Variants in HTT observed in about 807,000 individuals in gnomAD.
The protein encoded by HTT is huntingtin, also known as huntington disease protein.
In HTT, 104 loss-of-function variants were observed where a neutral mutation model predicts 362.3. That is an observed-to-expected ratio of 0.29 (90% CI 0.24 to 0.34). HTT has a LOEUF of 0.34. HTT is among the 10% of genes least tolerant of loss of function. The probability of loss-of-function intolerance (pLI) is 1.00; values close to 1 mark genes in which losing one functional copy is unlikely to be tolerated. For missense variants in HTT, 3,301 were observed against 3,928.6 expected (o/e 0.84, Z 4.27); for synonymous variants, 1,577 against 1,548.7 (o/e 1.02, Z -0.43).
intron 24 of HTT, 121 bp from the exon 25 acceptor site, chr4:3,146,676 A>G (rs1053991602): frequency 3.2e-5 from 26 of 822,162 alleles, no homozygotes; most frequent in South Asian, 5.1e-5. Flanking sequence ...AAATAAAACA[A>G]TTTCTGAGCT....
At chr4:3,131,970 A>G (rs1230074024) in intron 16 of HTT, among the ~76,000 whole-genome samples, 195 bp downstream of exon 16, 1 of 152,252 alleles carries the variant, frequency 6.6e-6, no homozygotes, top group East Asian at 1.9e-4. Flanking sequence ...GATGAAACCC[A>G]TAGAGGAGAA....
intron 2 of HTT, among the ~76,000 whole-genome samples, chr4:3,089,203 A>C (rs1713371728): frequency 6.6e-6 from 1 of 152,130 alleles, no homozygotes; most frequent in African/African-American, 2.4e-5. Context: ...TAGCCACCTG[A>C]GCGGGAAGCG....
chr4:3,226,603 G>C (rs545820534), intron 57 of HTT, among the ~76,000 whole-genome samples: 10 of 152,280 alleles, frequency 6.6e-5, no homozygotes, highest in Non-Finnish European at 1.2e-4. Flanking sequence ...CCCCGGTGCT[G>C]TGTCTTTCGC....
intron 56 of HTT, among the ~76,000 whole-genome samples, chr4:3,224,785 G>C (rs1438818843): frequency 6.6e-6 from 1 of 152,240 alleles, no homozygotes; most frequent in Non-Finnish European, 1.5e-5. Context: ...CTATGTGGAC[G>C]TGCAATGTGT....
intron 52 of HTT, 137 bp from the exon 53 acceptor site, chr4:3,220,045 G>A (rs1448016745): frequency 2.2e-6 from 2 of 895,574 alleles, no homozygotes; most frequent in Non-Finnish European, 3.5e-6. Context: ...TTTTCTGGGG[G>A]AGAAGGTGCC....
chr4:3,229,452 G>T (rs533136347), intron 59 of HTT, among the ~76,000 whole-genome samples: 46 of 141,854 alleles, frequency 3.2e-4, no homozygotes, highest in Admixed American at 2.7e-3. Context: ...CCACACACAT[G>T]CCACATGTGC....
chr4:3,151,342 AAG>A (rs1190821580), intron 26 of HTT, among the ~76,000 whole-genome samples: 1 of 151,986 alleles, frequency 6.6e-6, no homozygotes, highest in Non-Finnish European at 1.5e-5. Context: ...CCACAGGAAA[AAG>A]AGAGAAGGAG....
In HTT at chr4:3,199,722, T is replaced by C; in HGVS notation, c.5369-10T>C. 6.2e-7 allele frequency: 1 copy of C among 1,612,584 alleles called. No individual in the cohort carries two copies. Among genetic ancestry groups the C allele is most frequent in the South Asian group, 1.1e-5 (1 of 91,072 alleles). ...AAAGCAAAGACATTTCTCCTTAACT[T>C]TGTTTCTAGGAATGTTCCGGAGAAT... is the stretch of plus-strand genomic sequence containing the variant. On this transcript the variant is annotated splice_polypyrimidine_tract_variant and intron_variant, in intron 40 of 66. Transcript: ENST00000355072.
At chr4:3,181,718 A>G (rs1047546900) in intron 36 of HTT, among the ~76,000 whole-genome samples, 39 of 152,278 alleles carry the variant, frequency 2.6e-4, no homozygotes, top group African/African-American at 9.1e-4. Flanking sequence ...TTGCAATGCA[A>G]AAGTACATGT....
In HTT at chr4:3,242,644, CTT is replaced by C. The variant is rs1721858353; in HGVS notation, c.*2587_*2588del. ...CAGCTCTCTGCAGAAGGGAGGAAGA[CTT>C]TATCATGTTCCTAAAAATCTGTGGC... On this transcript the variant is annotated 3_prime_UTR_variant, in exon 67 of 67. Transcript: ENST00000355072. 6.6e-6 allele frequency: 1 copy of C among 152,172 alleles called. No individual in the cohort carries two copies. The highest frequency in any genetic ancestry group is 2.1e-4 in the South Asian group (1 of 4,832). 9.4% of individuals were successfully genotyped at this position (152,172 alleles called of 1,614,324 possible).
intron 3 of HTT, 37 bp from the exon 4 acceptor site, chr4:3,103,787 G>T (rs749662676): frequency 7.5e-7 from 1 of 1,336,960 alleles, no homozygotes; most frequent in East Asian, 2.3e-5. Flanking sequence ...CTAGTGATGG[G>T]ATGTGTCTTC....
At chr4:3,190,928 A>G (rs1282554712) in intron 40 of HTT, among the ~76,000 whole-genome samples, 1 of 152,244 alleles carries the variant, frequency 6.6e-6, no homozygotes, top group Non-Finnish European at 1.5e-5. Context: ...TCTAATTTCT[A>G]GTAACAGCAA....
At chr4:3,221,056 G>T (rs1377022422) in intron 53 of HTT, among the ~76,000 whole-genome samples, 1 of 152,142 alleles carries the variant, frequency 6.6e-6, no homozygotes, top group African/African-American at 2.4e-5. Context: ...ACTGTAATCA[G>T]TCAGTTCTCA....
intron 52 of HTT, 85 bp from the exon 53 acceptor site, chr4:3,220,096 TG>T: frequency 6.8e-7 from 1 of 1,475,976 alleles, no homozygotes; most frequent in South Asian, 1.2e-5. Flanking sequence ...GGGAGCCCAG[TG>T]GAGAGAAGTC....
chr4:3,228,988 G>T lies in HTT; in HGVS notation c.8088G>T (p.Leu2696=), dbSNP rs1402848858. The change falls in exon 59 of 67, where the codon CTG becomes CTT. Residue 2696 remains leucine, a synonymous_variant. Coordinates refer to ENST00000355072, the MANE Select transcript of HTT (RefSeq NM_001388492.1). This position sits in a 1 kb window ranked among gnomAD's most constrained non-coding sequence, Gnocchi z 4.3. ...SSSARRTPAI[L]ISEVVRSLLV... is the part of the protein sequence containing the mutation. ...CAGCCAGGAGGACCCCGGCCATCCT[G>T]ATCAGTGAGGTGGTCAGATCCGTAA... The T allele has an allele frequency of 6.2e-7, 1 of 1,613,576 alleles. No individual in the cohort carries two copies. Among genetic ancestry groups the T allele is most frequent in the Non-Finnish European group, 8.5e-7 (1 of 1,179,676 alleles).
intron 28 of HTT, 97 bp from the exon 29 acceptor site, chr4:3,160,185 G>T (rs1717367712): frequency 1.3e-6 from 1 of 765,276 alleles, no homozygotes. Context: ...CACAGTGGAG[G>T]CATCTGCTGC....
intron 28 of HTT, among the ~76,000 whole-genome samples, chr4:3,157,945 T>G (rs144353736): frequency 4.1e-4 from 63 of 152,270 alleles, no homozygotes; most frequent in African/African-American, 1.3e-3. Flanking sequence ...CATTTATTAT[T>G]TTGTTATATC....
At chr4:3,106,253 G>T (rs1560549596) in intron 5 of HTT, among the ~76,000 whole-genome samples, 1 of 152,138 alleles carries the variant, frequency 6.6e-6, no homozygotes. Flanking sequence ...CCACTCGAGA[G>T]GCTGAGGTGG....
At chr4:3,196,311 G>A (rs1719255115) in intron 40 of HTT, among the ~76,000 whole-genome samples, 1 of 152,154 alleles carries the variant, frequency 6.6e-6, no homozygotes, top group African/African-American at 2.4e-5. Context: ...CGGAACAGGG[G>A]ACCTTCTATC....
Sources: gnomAD v4.1 joint callset for allele counts (sites outside exome capture counted in the v4.1 genomes callset) on GRCh38, gnomAD v4.1.1 for gene constraint, Gnocchi (gnomAD v3.1) non-coding constraint, MANE v1.5 for transcripts, NCBI Gene and HGNC (gene_info 2026-07-23, HGNC 2026-07-21) for gene names.